The following APPL2 variants were observed in gnomAD, a reference collection of about 807,000 sequenced individuals.
APPL2 encodes DCC-interacting protein 13-beta.
Under a neutral mutation model 92.7 loss-of-function variants are expected in APPL2, and 84 were observed. The ratio of observed to expected loss-of-function variants is 0.91; its 90% CI spans 0.76 to 1.09. The LOEUF is 1.09. Ranked by LOEUF, APPL2 falls within the 50% of genes least tolerant of loss-of-function variation. The pLI is 0.00. For missense variants in APPL2, 736 were observed against 824.5 expected (o/e 0.89, Z 1.31); for synonymous variants, 291 against 291.0 (o/e 1.00, Z 0.00).
chr12:105,229,784 CTTTCT>C, intron 1 of APPL2: 2 of 989,292 alleles, frequency 2.0e-6, no homozygotes, highest in Non-Finnish European at 2.4e-6. Flanking sequence ...TTCTTTCTTT[CTTTCT>C]TTTTTTGAGA....
chr12:105,229,343 T>C (rs750775582), intron 1 of APPL2, 120 bp from the exon 2 acceptor site: 5 of 984,494 alleles, frequency 5.1e-6, no homozygotes, highest in Non-Finnish European at 7.4e-6. Flanking sequence ...AAGGTACCTG[T>C]TGGTTCCCTG....
intron 10 of APPL2, 33 bp downstream of exon 10, chr12:105,199,340 T>G (rs771381286): frequency 1.3e-6 from 2 of 1,595,154 alleles, no homozygotes; most frequent in South Asian, 2.2e-5. Flanking sequence ...GAAAACGGAT[T>G]TCAGAAAAAG....
chr12:105,198,068 A>G, intron 10 of APPL2, 115 bp from the exon 11 acceptor site: 1 of 1,081,566 alleles, frequency 9.2e-7, no homozygotes, highest in Admixed American at 2.8e-5. Context: ...GTGTTTCTTT[A>G]TATCGTTAAA....
chr12:105,213,552 G>A (rs1889392208), intron 4 of APPL2, among the ~76,000 whole-genome samples: 1 of 152,214 alleles, frequency 6.6e-6, no homozygotes. Flanking sequence ...CTCAAAAGAA[G>A]TGGTCCAGAA....
At chr12:105,176,660 C>T in intron 19 of APPL2, 1 of 515,530 alleles carries the variant, frequency 1.9e-6, no homozygotes, top group South Asian at 4.1e-5. Flanking sequence ...AAATTTCTTC[C>T]TCATTCACCC....
At chr12:105,217,373 CTTTA>C (rs766345271) in intron 3 of APPL2, among the ~76,000 whole-genome samples, 4 of 152,156 alleles carry the variant, frequency 2.6e-5, no homozygotes, top group Non-Finnish European at 5.9e-5. Flanking sequence ...TATTTTTTGA[CTTTA>C]TTTGAGTGTT....
Position 105,189,810 on chromosome 12 carries a change from A to T in APPL2, c.1421T>A (p.Phe474Tyr), listed in dbSNP as rs777687802. ...QNRGSRRTNPFGETEDESFPE... is the reference protein window; with the variant it reads ...QNRGSRRTNPYGETEDESFPE... ...AAATGATTCATCCTCAGTTTCACCAAAAGGGTTGGTACGCCTAGGGGAATA... is the reference window on the plus strand; with the variant it reads ...AAATGATTCATCCTCAGTTTCACCATAAGGGTTGGTACGCCTAGGGGAATA... The change falls in exon 16 of 21, where the codon TTT (phenylalanine) becomes TAT (tyrosine). Residue 474 changes from phenylalanine to tyrosine, a missense_variant. Transcript: ENST00000258530. The T allele has an allele frequency of 2.5e-6, 4 of 1,614,234 alleles. No individual in the cohort carries two copies. Among genetic ancestry groups the T allele is most frequent in the South Asian group, 1.1e-5 (1 of 91,086 alleles).
intron 17 of APPL2, among the ~76,000 whole-genome samples, chr12:105,186,014 A>G (rs1886573555): frequency 6.6e-6 from 1 of 152,114 alleles, no homozygotes; most frequent in Admixed American, 6.5e-5. Flanking sequence ...TTTCATATAA[A>G]CAGAACCCTA....
rs1566058831 is a variant in APPL2, at chr12:105,188,388, CTGTTT to C, written c.1514_1518del (p.Lys505ArgfsTer5). ...TCATAAATCACTTCAGTAGTGCTGTCTGTTTTAACTGCCATTGATCCCAAAAACCG... is the reference window on the plus strand; with the variant it reads ...TCATAAATCACTTCAGTAGTGCTGTCTAACTGCCATTGATCCCAAAAACCG... On this transcript the variant is annotated frameshift_variant, in exon 17 of 21. Transcript: ENST00000258530. LOFTEE classifies it high-confidence loss of function. 1.9e-6 allele frequency: 3 copies of C among 1,614,188 alleles called. No homozygotes were observed. Among genetic ancestry groups the C allele is most frequent in the Non-Finnish European group, 2.5e-6 (3 of 1,180,028 alleles).
chr12:105,224,119 G>A (rs1044107356), intron 2 of APPL2, among the ~76,000 whole-genome samples: 1 of 152,180 alleles, frequency 6.6e-6, no homozygotes. Flanking sequence ...GCCAGCATGA[G>A]GGAAAGCTGC....
At chr12:105,186,009 T>C (rs764999361) in intron 17 of APPL2, among the ~76,000 whole-genome samples, 2 of 152,170 alleles carry the variant, frequency 1.3e-5, no homozygotes, top group Non-Finnish European at 2.9e-5. Context: ...GGATATTTCA[T>C]ATAAACAGAA....
chr12:105,177,221 C>T lies in APPL2; in HGVS notation c.1671+5G>A. On this transcript the variant is annotated splice_donor_5th_base_variant and intron_variant, in intron 18 of 20. Coordinates refer to ENST00000258530, the MANE Select transcript of APPL2 (RefSeq NM_018171.5). Reference sequence around the variant, plus strand: ...CACTAACATGAACCTGTATGCGGTACTTACATTGGCCCTTGATACTTGAGT... The same window carrying T: ...CACTAACATGAACCTGTATGCGGTATTTACATTGGCCCTTGATACTTGAGT... 1 of 1,613,820 alleles carries T rather than the reference C, an allele frequency of 6.2e-7. No individual in the cohort carries two copies. Among genetic ancestry groups the T allele is most frequent in the Non-Finnish European group, 8.5e-7 (1 of 1,179,744 alleles).
intron 4 of APPL2, among the ~76,000 whole-genome samples, chr12:105,211,983 G>A (rs1889260501): frequency 6.6e-6 from 1 of 152,024 alleles, no homozygotes; most frequent in African/African-American, 2.4e-5. Flanking sequence ...AGCCAGCATG[G>A]TGGCGGGCAC....
At chr12:105,228,838 G>A (rs1410187985) in intron 2 of APPL2, among the ~76,000 whole-genome samples, 1 of 152,102 alleles carries the variant, frequency 6.6e-6, no homozygotes, top group Non-Finnish European at 1.5e-5. Context: ...CAAGTAGGAA[G>A]AGGAGACTCA....
intron 14 of APPL2, among the ~76,000 whole-genome samples, chr12:105,194,111 ATT>A (rs1887444383): frequency 6.6e-6 from 1 of 152,226 alleles, no homozygotes; most frequent in Non-Finnish European, 1.5e-5. Context: ...GTCATTAGAT[ATT>A]TGTAAAAAAT....
chr12:105,231,181 A>G (rs1890892024), intron 1 of APPL2, among the ~76,000 whole-genome samples: 1 of 152,258 alleles, frequency 6.6e-6, no homozygotes, highest in Non-Finnish European at 1.5e-5. Flanking sequence ...ATGAGAAGTG[A>G]TATAACTGGA....
At chr12:105,208,471 C>T (rs1168422270) in intron 5 of APPL2, among the ~76,000 whole-genome samples, 3 of 152,084 alleles carry the variant, frequency 2.0e-5, no homozygotes, top group African/African-American at 4.8e-5. Context: ...GAGGGCACGC[C>T]GGGGAGGTGG....
chr12:105,198,953 T>C (rs1300276593), intron 10 of APPL2, among the ~76,000 whole-genome samples: 1 of 152,172 alleles, frequency 6.6e-6, no homozygotes, highest in East Asian at 1.9e-4. Context: ...ACTCAATCAG[T>C]ATGAATCGAA....
intron 17 of APPL2, among the ~76,000 whole-genome samples, chr12:105,183,211 A>G (rs1299613101): frequency 1.3e-5 from 2 of 151,604 alleles, no homozygotes; most frequent in Non-Finnish European, 2.9e-5. Flanking sequence ...TCTTTATCCA[A>G]TGTGCCAGTC....
Sources: allele counts gnomAD v4.1 joint callset (sites outside exome capture counted in the v4.1 genomes callset), GRCh38; gene constraint gnomAD v4.1.1; transcripts MANE v1.5; gene names NCBI Gene and HGNC (gene_info 2026-07-23, HGNC 2026-07-21).